Variants in DGKI observed in about 807,000 individuals in gnomAD.
DGKI encodes the protein diacylglycerol kinase iota, also known as DAG kinase iota.
In DGKI, 55 loss-of-function variants were observed where a neutral mutation model predicts 147.5. That is an observed-to-expected ratio of 0.37 (90% confidence interval 0.30 to 0.47). The LOEUF (loss-of-function observed/expected upper bound fraction) is 0.47, where lower values mean the gene tolerates loss of function less well. DGKI is among the 20% of genes least tolerant of loss of function. DGKI has a pLI of 1.00. For synonymous variants in DGKI, 469 were observed against 477.1 expected, an observed-to-expected ratio of 0.98 and a Z score of 0.22; for missense variants, 1,007 against 1,323.8, an observed-to-expected ratio of 0.76 and a Z score of 3.71.
intron 3 of DGKI, among the ~76,000 whole-genome samples, chr7:137,673,602 C>G (rs1350137834): frequency 6.6e-6 from 1 of 152,204 alleles, no homozygotes; most frequent in Non-Finnish European, 1.5e-5. Flanking sequence ...TATGTCCCAA[C>G]TTTACTCAGT....
At chr7:137,446,045 GAAGT>G (rs1200091143) in intron 27 of DGKI, among the ~76,000 whole-genome samples, 5 of 152,306 alleles carry the variant, frequency 3.3e-5, no homozygotes, top group Middle Eastern at 3.4e-3. Context: ...TTGCTGATGA[GAAGT>G]AAGTGAAAAC....
At chr7:137,511,608 G>C (rs956814426) in intron 21 of DGKI, among the ~76,000 whole-genome samples, 1 of 152,168 alleles carries the variant, frequency 6.6e-6, no homozygotes, top group East Asian at 1.9e-4. Context: ...ATACATAGTA[G>C]GTGTTCAATA....
chr7:137,704,331 G>A (rs1794301915), intron 1 of DGKI, among the ~76,000 whole-genome samples: 1 of 152,122 alleles, frequency 6.6e-6, no homozygotes, highest in Admixed American at 6.5e-5. Flanking sequence ...TTGAAAAGGA[G>A]CCAAATAGAA....
At chr7:137,568,095 C>T (rs1818653133) in intron 19 of DGKI, among the ~76,000 whole-genome samples, 1 of 152,092 alleles carries the variant, frequency 6.6e-6, no homozygotes, top group Non-Finnish European at 1.5e-5. Flanking sequence ...TTACTAACTC[C>T]TCAAGAATGC....
intron 6 of DGKI, among the ~76,000 whole-genome samples, chr7:137,637,794 C>T (rs1554446223): frequency 1.3e-5 from 2 of 152,156 alleles, no homozygotes; most frequent in Non-Finnish European, 2.9e-5. Flanking sequence ...TTTTCTTTAA[C>T]AAGAGAGAAT....
At chr7:137,731,116 C>A (rs1352076017) in intron 1 of DGKI, among the ~76,000 whole-genome samples, 1 of 152,038 alleles carries the variant, frequency 6.6e-6, no homozygotes, top group Non-Finnish European at 1.5e-5. Context: ...TGATCTCACT[C>A]TGTTCAAAGT....
chr7:137,448,787 A>G (rs1222202472), intron 27 of DGKI, among the ~76,000 whole-genome samples: 1 of 152,032 alleles, frequency 6.6e-6, no homozygotes, highest in African/African-American at 2.4e-5. Flanking sequence ...TGAAATGTAA[A>G]CTTAAAGAAG....
intron 21 of DGKI, 119 bp from the exon 22 acceptor site, chr7:137,487,808 G>T: frequency 1.1e-6 from 1 of 872,772 alleles, no homozygotes; most frequent in Non-Finnish European, 1.8e-6. Context: ...TTTTAGATAT[G>T]TCCGTAAAAA....
Position 137,722,304 on chromosome 7 carries a change from G to A in DGKI, c.402-32302C>T, listed in dbSNP as rs1794586862. ...GTGACAAGAACGGCAGTACCCGGGT[G>A]GTTAAACTTCGCAAAATGCCTAGAT... On this transcript the variant is annotated intron_variant, in intron 1 of 32. Transcript: ENST00000614521. The A allele has an allele frequency of 4.3e-6, 7 of 1,612,420 alleles. No homozygotes were observed. In the South Asian group the frequency reaches 7.7e-5, roughly 18 times the overall value.
intron 1 of DGKI, among the ~76,000 whole-genome samples, chr7:137,802,882 A>C (rs896742740): frequency 6.6e-6 from 1 of 152,216 alleles, no homozygotes; most frequent in South Asian, 2.1e-4. Flanking sequence ...ATGTTCATTA[A>C]TACAATTCAT....
At chr7:137,439,269 A>T (rs2128915016) in intron 28 of DGKI, among the ~76,000 whole-genome samples, 1 of 152,364 alleles carries the variant, frequency 6.6e-6, no homozygotes, top group East Asian at 1.9e-4. Flanking sequence ...GCCACGCCAC[A>T]GTGTGTTTCA....
chr7:137,521,932 C>T lies in DGKI; in HGVS notation c.2182G>A (p.Val728Met). 6.2e-7 allele frequency: 1 copy of T among 1,611,916 alleles called. No individual in the cohort carries two copies. The highest frequency in any genetic ancestry group is 8.5e-7 in the Non-Finnish European group (1 of 1,178,772). The change falls in exon 21 of 33, where the codon GTG becomes ATG. Residue 728 changes from valine to methionine, a missense_variant. By Grantham distance (21) the Val-to-Met change is conservative. This residue lies in a region of DGKI where 385 missense variants were observed against 445.2 expected (regional missense o/e 0.86). Coordinates refer to ENST00000614521, the MANE Select transcript of DGKI (RefSeq NM_001321708.2). ...QSVPDRLRIR[V>M]NKISLQDYEG... ...TAGTCTTGTAAACTGATTTTGTTCA[C>T]CCGGATCCTCAGACGATCTGGGACA...
intron 20 of DGKI, among the ~76,000 whole-genome samples, chr7:137,550,329 C>T (rs1467148012): frequency 1.3e-5 from 2 of 151,992 alleles, no homozygotes; most frequent in African/African-American, 4.8e-5. Flanking sequence ...GCGCATGCCA[C>T]CACACCTGTC....
At chr7:137,461,606 G>C (rs1814445526) in intron 27 of DGKI, among the ~76,000 whole-genome samples, 1 of 152,164 alleles carries the variant, frequency 6.6e-6, no homozygotes, top group Non-Finnish European at 1.5e-5. Context: ...ATTATGCTGT[G>C]TCTTCTATGA....
At chr7:137,536,964 TGA>T (rs1307868125) in intron 20 of DGKI, among the ~76,000 whole-genome samples, 1 of 152,024 alleles carries the variant, frequency 6.6e-6, no homozygotes, top group Non-Finnish European at 1.5e-5. Context: ...TCATGGAAAC[TGA>T]GAGATAAAGT....
intron 28 of DGKI, among the ~76,000 whole-genome samples, chr7:137,439,018 T>C (rs1040989338): frequency 1.3e-5 from 2 of 152,176 alleles, no homozygotes; most frequent in Non-Finnish European, 2.9e-5. Context: ...AGAATAGTAG[T>C]TATTTCTGAA....
Position 137,843,756 on chromosome 7 carries a change from T to TACACACACACACAC in DGKI, c.401+2692_401+2705dup, listed in dbSNP as rs71177923. On this transcript the variant is annotated intron_variant, in intron 1 of 32. Coordinates refer to ENST00000614521, the MANE Select transcript of DGKI (RefSeq NM_001321708.2). Reference sequence around the variant, plus strand: ...ACAGAAGGAGCAGATGAGACCCCCCTACACACACACACACACACACACACA... The same window carrying TACACACACACACAC: ...ACAGAAGGAGCAGATGAGACCCCCCTACACACACACACACACACACACACACACACACACACACA... Among the ~76,000 whole-genome samples the TACACACACACACAC allele has an allele frequency of 3.2e-3, 440 of 137,890 alleles. 4 individuals carry two copies. The highest frequency in any genetic ancestry group is 5.3e-3 in the Non-Finnish European group (344 of 64,544). 90.5% of individuals were successfully genotyped at this position (137,890 alleles called of 152,430 possible). A position where few individuals can be genotyped will look rare whatever the true frequency, so the allele number is the denominator to read the frequency against.
intron 1 of DGKI, among the ~76,000 whole-genome samples, chr7:137,761,236 C>A (rs10261368): frequency 0.35 from 52,662 of 152,052 alleles, 9,366 homozygotes; most frequent in African/African-American, 0.43. Flanking sequence ...CCCTTTGTAG[C>A]CTTTTTGCCA....
At chr7:137,824,431 A>G (rs1797995041) in intron 1 of DGKI, among the ~76,000 whole-genome samples, 1 of 151,004 alleles carries the variant, frequency 6.6e-6, no homozygotes, top group Admixed American at 6.6e-5. Flanking sequence ...CAGGAGAATC[A>G]CTTGAACCTT....
Sources: allele counts gnomAD v4.1 joint callset (sites outside exome capture counted in the v4.1 genomes callset), GRCh38; gene constraint gnomAD v4.1.1; regional missense constraint gnomAD v4.1.1; transcripts MANE v1.5; gene names NCBI Gene and HGNC (gene_info 2026-07-23, HGNC 2026-07-21).